Variants in PDE1C observed in about 807,000 individuals in gnomAD.
PDE1C encodes dual specificity calcium/calmodulin-dependent 3',5'-cyclic nucleotide phosphodiesterase 1C.
In PDE1C, 62 loss-of-function variants were observed where a neutral mutation model predicts 93.1. That is an observed-to-expected ratio of 0.67 (90% CI 0.54 to 0.82). The LOEUF is 0.82. Among genes scored for constraint, PDE1C ranks in the 40% least tolerant of loss-of-function variants. The pLI is 0.00. For missense variants in PDE1C, 742 were observed against 884.6 expected, an observed-to-expected ratio of 0.84 and a Z score of 2.04; for synonymous variants, 325 against 310.1, an observed-to-expected ratio of 1.05 and a Z score of -0.50.
At chr7:31,803,481 G>C (rs980079783) in intron 16 of PDE1C, among the ~76,000 whole-genome samples, 5 of 151,728 alleles carry the variant, frequency 3.3e-5, no homozygotes, top group Non-Finnish European at 7.4e-5. Context: ...GTATACCTGT[G>C]CCATGTTGGT....
At chr7:32,260,038 C>T (rs997959945) in intron 1 of PDE1C, among the ~76,000 whole-genome samples, 2 of 152,164 alleles carry the variant, frequency 1.3e-5, no homozygotes, top group Non-Finnish European at 2.9e-5. Flanking sequence ...CTCTGAGGAC[C>T]GGGCCCAACC....
At chr7:31,765,172 G>T (rs1453754888) in intron 17 of PDE1C, among the ~76,000 whole-genome samples, 1 of 152,116 alleles carries the variant, frequency 6.6e-6, no homozygotes, top group Non-Finnish European at 1.5e-5. Context: ...TAGGTGAAAG[G>T]GGAGGAGCAA....
intron 1 of PDE1C, among the ~76,000 whole-genome samples, chr7:32,402,473 C>T (rs1402051313): frequency 6.6e-6 from 1 of 151,984 alleles, no homozygotes; most frequent in Non-Finnish European, 1.5e-5. Flanking sequence ...AGATGGATGT[C>T]CCAGTAGAGA....
the PDE1C span, among the ~76,000 whole-genome samples, chr7:31,669,540 T>C: frequency 6.6e-6 from 1 of 152,226 alleles, no homozygotes; most frequent in African/African-American, 2.4e-5. Context: ...CTCTGACAAC[T>C]CTTTCCACAC....
At chr7:32,114,611 G>C (rs1426124477) in intron 3 of PDE1C, among the ~76,000 whole-genome samples, 1 of 152,148 alleles carries the variant, frequency 6.6e-6, no homozygotes, top group Non-Finnish European at 1.5e-5. Flanking sequence ...AGCTAAAATT[G>C]ACAGATGGGA....
chr7:31,966,378 GTAAAGGGATCAA>G (rs1809965483), intron 2 of PDE1C, among the ~76,000 whole-genome samples: 1 of 152,172 alleles, frequency 6.6e-6, no homozygotes, highest in Admixed American at 6.5e-5. Flanking sequence ...TTACATAATG[GTAAAGGGATCAA>G]TTCAACAAGA....
chr7:32,420,117 A>ACACACACATATATATGTGTATATATG (rs1785368467), intron 1 of PDE1C, among the ~76,000 whole-genome samples: 1 of 24,396 alleles, frequency 4.1e-5, no homozygotes, highest in African/African-American at 1.1e-4. Flanking sequence ...ATATATATAT[A>ACACACACATATATATGTGTATATATG]TATATATACA....
the PDE1C span, chr7:31,658,304 T>TC: frequency 6.6e-7 from 1 of 1,520,170 alleles, no homozygotes; most frequent in Admixed American, 2.1e-5. Flanking sequence ...GATCCCTTTT[T>TC]TTTTTCTTCA....
chr7:32,363,521 G>C (rs1032676379), intron 1 of PDE1C, among the ~76,000 whole-genome samples: 4 of 152,182 alleles, frequency 2.6e-5, no homozygotes, highest in African/African-American at 7.2e-5. Flanking sequence ...GTAAAGTCAG[G>C]CTGAATCTCA....
intron 1 of PDE1C, among the ~76,000 whole-genome samples, chr7:32,419,834 G>A (rs1455428689): frequency 6.6e-6 from 1 of 151,568 alleles, no homozygotes; most frequent in Non-Finnish European, 1.5e-5. Context: ...CACACACAGA[G>A]GCCAGGATCT....
intron 17 of PDE1C, among the ~76,000 whole-genome samples, chr7:31,769,918 T>C (rs1353569128): frequency 2.6e-5 from 4 of 152,234 alleles, no homozygotes; most frequent in Non-Finnish European, 4.4e-5. Flanking sequence ...GGTTCATCCA[T>C]GTTGTAAAAT....
intron 2 of PDE1C, among the ~76,000 whole-genome samples, chr7:31,989,765 T>C (rs946361026): frequency 3.3e-5 from 5 of 152,234 alleles, no homozygotes; most frequent in African/African-American, 1.2e-4. Flanking sequence ...GCTGTGTCTA[T>C]GTCTCAGCTT....
chr7:32,300,487 C>A (rs12531858), upstream of PDE1C, among the ~76,000 whole-genome samples: 32,428 of 152,104 alleles, frequency 0.21, 3,600 homozygotes, highest in African/African-American at 0.23. Context: ...CTGTTACAAC[C>A]TGGAGGCATG....
chr7:31,648,041 T>A, the PDE1C span, among the ~76,000 whole-genome samples: 1 of 152,152 alleles, frequency 6.6e-6, no homozygotes, highest in East Asian at 1.9e-4. Flanking sequence ...TTGTTAATTT[T>A]AAAAAGTGTT....
intron 1 of PDE1C, among the ~76,000 whole-genome samples, chr7:32,308,109 G>A (rs936298113): frequency 1.3e-5 from 2 of 152,220 alleles, no homozygotes; most frequent in African/African-American, 2.4e-5. Context: ...AGGGTCCAAC[G>A]CCCACGGAGT....
chr7:31,719,014 C>A, the PDE1C span, among the ~76,000 whole-genome samples: 1 of 152,198 alleles, frequency 6.6e-6, no homozygotes, highest in Non-Finnish European at 1.5e-5. Flanking sequence ...CAAAGGCAGG[C>A]TGAGAGACAG....
At chr7:31,893,480 T>C (rs536913995) in intron 2 of PDE1C, 2 of 984,864 alleles carry the variant, frequency 2.0e-6, no homozygotes, top group Admixed American at 1.2e-4. Flanking sequence ...GACTTACTTA[T>C]GCAGTCCCAT....
At chr7:32,239,268 T>C (rs1808370776) in intron 1 of PDE1C, among the ~76,000 whole-genome samples, 1 of 152,116 alleles carries the variant, frequency 6.6e-6, no homozygotes, top group African/African-American at 2.4e-5. Context: ...TGATGGTGTG[T>C]GCTCATACTA....
intron 1 of PDE1C, among the ~76,000 whole-genome samples, chr7:32,065,129 C>T (rs1225939446): frequency 1.3e-5 from 2 of 151,684 alleles, no homozygotes; most frequent in African/African-American, 2.4e-5. Context: ...TGTTGCATGA[C>T]AGCAAACAGA....
Sources: allele counts gnomAD v4.1 joint callset (sites outside exome capture counted in the v4.1 genomes callset), GRCh38; gene constraint gnomAD v4.1.1; transcripts MANE v1.5; gene names NCBI Gene and HGNC (gene_info 2026-07-23, HGNC 2026-07-21).